Variants in LRRFIP2 observed in about 807,000 individuals in gnomAD.
LRRFIP2 encodes LRR binding FLII interacting protein 2.
LRRFIP2 carries 109 observed loss-of-function variants against 125.9 expected under a neutral mutation model. The observed-to-expected ratio is 0.87, with a 90% CI of 0.74 to 1.01. LRRFIP2 has a LOEUF of 1.01. Among genes scored for constraint, LRRFIP2 ranks in the 50% least tolerant of loss-of-function variants. LRRFIP2 has a pLI of 0.00. For missense variants in LRRFIP2, 850 were observed against 862.3 expected (o/e 0.99, Z 0.18); for synonymous variants, 291 against 293.1 (o/e 0.99, Z 0.07).
intron 16 of LRRFIP2, 104 bp downstream of exon 16, chr3:37,096,512 G>A: frequency 1.4e-6 from 1 of 712,494 alleles, no homozygotes; most frequent in Non-Finnish European, 2.4e-6. Context: ...AAGGGAGGAA[G>A]AGCAGCTACA....
chr3:37,094,793 C>A lies in LRRFIP2; in HGVS notation c.1034G>T (p.Arg345Leu). Reference sequence around the variant, plus strand: ...AGAAAACCAAAAACTTCAGTTTACCCGCAATTCACTTAATGAAGTGTCTGG... The same window carrying A: ...AGAAAACCAAAAACTTCAGTTTACCAGCAATTCACTTAATGAAGTGTCTGG... ...IDPDTSLSEL[R>L]DIYDLKDQIQ... Residue 345 changes from arginine (R) to leucine (L), a missense_variant and splice_region_variant, in exon 17 of 28, where the codon CGG becomes CTG. Physicochemically the swap from Arg to Leu is moderately radical, Grantham distance 102. Transcript: ENST00000336686. 1.2e-6 allele frequency: 2 copies of A among 1,608,422 alleles called. No homozygotes were observed. The highest frequency in any genetic ancestry group is 1.7e-6 in the Non-Finnish European group (2 of 1,175,220).
At chr3:37,150,700 A>C (rs1221640809) in intron 1 of LRRFIP2, among the ~76,000 whole-genome samples, 1 of 152,172 alleles carries the variant, frequency 6.6e-6, no homozygotes, top group Non-Finnish European at 1.5e-5. Context: ...CATTTAGCTA[A>C]ATATTCCATA....
At chr3:37,066,149 G>T in intron 22 of LRRFIP2, 75 bp downstream of exon 22, 2 of 1,420,148 alleles carry the variant, frequency 1.4e-6, no homozygotes, top group African/African-American at 1.4e-5. Context: ...GGCTAGGAAA[G>T]ATGGCAGGAT....
chr3:37,053,261 T>TAACA lies in LRRFIP2; in HGVS notation c.*586_*589dup, dbSNP rs1364378468. ...TATATACACTCCCCATATTTTTTTCTAACATTTTCTTATATAAATTTAAAT... is the reference window on the plus strand; with the variant it reads ...TATATACACTCCCCATATTTTTTTCTAACAAACATTTTCTTATATAAATTTAAAT... On this transcript the variant is annotated 3_prime_UTR_variant, in exon 28 of 28. Coordinates refer to ENST00000336686, the MANE Select transcript of LRRFIP2 (RefSeq NM_006309.4). The TAACA allele has an allele frequency of 6.5e-6, 1 of 152,884 alleles. No homozygotes were observed. The highest frequency in any genetic ancestry group is 1.5e-5 in the Non-Finnish European group (1 of 68,232). The allele number at this position is 152,884 out of a possible 1,614,324, so 9.5% of individuals were successfully genotyped here.
At chr3:37,112,266 G>A (rs1305389689) in intron 8 of LRRFIP2, among the ~76,000 whole-genome samples, 1 of 151,328 alleles carries the variant, frequency 6.6e-6, no homozygotes, top group Non-Finnish European at 1.5e-5. Flanking sequence ...AACCTGGGAG[G>A]TGGAGGTTGC....
intron 2 of LRRFIP2, among the ~76,000 whole-genome samples, chr3:37,139,668 C>T (rs945969008): frequency 1.2e-4 from 18 of 152,164 alleles, no homozygotes; most frequent in African/African-American, 4.1e-4. Flanking sequence ...CACACATACA[C>T]ACCCTCCATT....
chr3:37,073,235 G>A (rs1379480959), intron 20 of LRRFIP2, among the ~76,000 whole-genome samples: 1 of 152,144 alleles, frequency 6.6e-6, no homozygotes, highest in Non-Finnish European at 1.5e-5. Context: ...TACATTCCTA[G>A]AGAGGGAAAT....
chr3:37,165,849 GAAAGAAAGAGAA>G (rs1375395215), intron 1 of LRRFIP2, among the ~76,000 whole-genome samples: 4 of 144,898 alleles, frequency 2.8e-5, no homozygotes, highest in South Asian at 2.2e-4. Context: ...AAGAAAGAAA[GAAAGAAAGAGAA>G]AGAAAGAAAG....
intron 20 of LRRFIP2, among the ~76,000 whole-genome samples, chr3:37,073,645 G>T (rs575125452): frequency 6.6e-6 from 1 of 152,074 alleles, no homozygotes; most frequent in African/African-American, 2.4e-5. Flanking sequence ...CATTCTAGAT[G>T]TAAAAAACAT....
At chr3:37,084,010 G>A (rs2092847690) in intron 18 of LRRFIP2, among the ~76,000 whole-genome samples, 1 of 152,138 alleles carries the variant, frequency 6.6e-6, no homozygotes. Flanking sequence ...AGAACAATAT[G>A]TGCTCTCTGT....
chr3:37,055,783 C>A (rs2086666847), intron 25 of LRRFIP2, among the ~76,000 whole-genome samples: 1 of 152,168 alleles, frequency 6.6e-6, no homozygotes, highest in Non-Finnish European at 1.5e-5. Flanking sequence ...CCCCTACCAA[C>A]CCTGTGTGTA....
rs920365483 is a variant in LRRFIP2, at chr3:37,099,049, T to C, written c.874-2389A>G. 3.9e-5 allele frequency among the ~76,000 whole-genome samples: 6 copies of C among 152,348 alleles called. No individual in the cohort carries two copies. The East Asian group carries it at 1.2e-3, about 29-fold the overall frequency. ...ATCACTGAACTAATCCATCACAATG[T>C]TGACTCTATTGCTTTCACCATCTTC... On this transcript the variant is annotated intron_variant, in intron 15 of 27. Transcript: ENST00000336686.
intron 19 of LRRFIP2, among the ~76,000 whole-genome samples, chr3:37,081,847 A>C (rs1414392672): frequency 6.7e-6 from 1 of 148,330 alleles, no homozygotes; most frequent in African/African-American, 2.5e-5. Context: ...TACTTGCGCT[A>C]CTCCACTCCA....
intron 13 of LRRFIP2, 141 bp downstream of exon 13, chr3:37,107,932 T>C (rs1458031291): frequency 5.4e-6 from 3 of 554,598 alleles, no homozygotes; most frequent in Non-Finnish European, 6.2e-6. Flanking sequence ...AAATTAGTGC[T>C]TGAGTTTATG....
chr3:37,082,982 A>T (rs985482313), intron 19 of LRRFIP2, among the ~76,000 whole-genome samples: 4 of 152,136 alleles, frequency 2.6e-5, no homozygotes, highest in African/African-American at 9.7e-5. Context: ...TACCCATTTG[A>T]CCTCTGCTTG....
At chr3:37,169,749 T>C (rs1280872754) in intron 1 of LRRFIP2, among the ~76,000 whole-genome samples, 1 of 152,222 alleles carries the variant, frequency 6.6e-6, no homozygotes, top group African/African-American at 2.4e-5. Context: ...ATATCTGTTA[T>C]ATCAAAAGTA....
intron 6 of LRRFIP2, among the ~76,000 whole-genome samples, chr3:37,115,795 A>G (rs1207324834): frequency 6.6e-6 from 1 of 152,246 alleles, no homozygotes; most frequent in Non-Finnish European, 1.5e-5. Flanking sequence ...CCTTTTTAAA[A>G]GTAAGATATG....
intron 21 of LRRFIP2, among the ~76,000 whole-genome samples, chr3:37,071,022 C>G (rs1009639886): frequency 3.3e-5 from 5 of 152,122 alleles, no homozygotes; most frequent in African/African-American, 1.2e-4. Flanking sequence ...AAATTTAAAT[C>G]AAATCAATGG....
At position 37,115,874 on chromosome 3, in the gene LRRFIP2, A is replaced by G. The variant is rs376618149; in HGVS notation, c.331-779T>C. Among the ~76,000 whole-genome samples the G allele has an allele frequency of 5.3e-5, 8 of 152,348 alleles. 1 individual carries two copies. In the South Asian group the frequency reaches 8.3e-4, roughly 16 times the overall value. ...CTACATAGATTTATGGTTTTCACAC[A>G]TCGTTTCTTAAGCATTCTAGTTTAT... On this transcript the variant is annotated intron_variant, in intron 6 of 27. Transcript: ENST00000336686.
Sources: gnomAD v4.1 joint callset for allele counts (sites outside exome capture counted in the v4.1 genomes callset) on GRCh38, gnomAD v4.1.1 for gene constraint, MANE v1.5 for transcripts, NCBI Gene and HGNC (gene_info 2026-07-23, HGNC 2026-07-21) for gene names.